TENM3: variants seen among roughly 807,000 people sequenced by gnomAD.
The protein encoded by TENM3 is teneurin transmembrane protein 3.
Under a neutral mutation model 255.1 loss-of-function variants are expected in TENM3, and 63 were observed. That is an observed-to-expected ratio of 0.25 (90% confidence interval 0.20 to 0.30). The LOEUF (loss-of-function observed/expected upper bound fraction) is 0.30. Among genes scored for constraint, TENM3 ranks in the 10% least tolerant of loss-of-function variants. TENM3 has a pLI of 1.00. For missense variants in TENM3, 2,929 were observed against 3,461.1 expected (o/e 0.85, Z 3.86); for synonymous variants, 1,306 against 1,322.3 (o/e 0.99, Z 0.27).
the TENM3 span, among the ~76,000 whole-genome samples, chr4:182,134,045 TA>T: frequency 0.095 from 14,414 of 152,108 alleles, 938 homozygotes; most frequent in South Asian, 0.15. Flanking sequence ...ACAGGGGGTC[TA>T]AAGGCAACAA....
chr4:181,507,884 G>A, the TENM3 span, among the ~76,000 whole-genome samples: 9 of 152,110 alleles, frequency 5.9e-5, no homozygotes, highest in Non-Finnish European at 1.3e-4. Context: ...TTGGTTACCC[G>A]TGACATCTTT....
At chr4:181,809,903 GC>G in the TENM3 span, among the ~76,000 whole-genome samples, 1 of 152,076 alleles carries the variant, frequency 6.6e-6, no homozygotes, top group Non-Finnish European at 1.5e-5. Context: ...TCTCCCCGGA[GC>G]CCCCAGAAGC....
chr4:182,561,641 A>G (rs1047640254), intron 3 of TENM3, among the ~76,000 whole-genome samples: 1 of 152,096 alleles, frequency 6.6e-6, no homozygotes, highest in African/African-American at 2.4e-5. Flanking sequence ...AGTACCTGCC[A>G]GAATTGTTTA....
chr4:182,299,805 A>T (rs988842079), intron 1 of TENM3, among the ~76,000 whole-genome samples: 21 of 152,048 alleles, frequency 1.4e-4, no homozygotes, highest in African/African-American at 4.6e-4. Context: ...AGGAAAATCC[A>T]GGCCCCAGTG....
At chr4:182,326,041 C>G (rs10015007) in intron 2 of TENM3, among the ~76,000 whole-genome samples, 16,500 of 152,162 alleles carry the variant, frequency 0.11, 971 homozygotes, top group African/African-American at 0.13. Context: ...AGTGTTATTC[C>G]TCACTCCTTC....
chr4:182,269,438 G>A (rs187094078), intron 1 of TENM3, among the ~76,000 whole-genome samples: 24 of 152,298 alleles, frequency 1.6e-4, no homozygotes, highest in Admixed American at 2.0e-4. Flanking sequence ...CTTGGTGCCC[G>A]GAAGTGACTC....
Position 182,751,979 on chromosome 4 carries a change from C to A in TENM3, c.3809C>A (p.Ala1270Glu). The stretch of plus-strand genomic sequence containing the variant: ...GAGCAATGCCTTCCGTTTGACGAGG[C>A]GAGATGTGGGGATGGAGGGAAGGCC... ...TGEQCLPFDE[A>E]RCGDGGKAVE... Residue 1270 changes from alanine to glutamate, a missense_variant, in exon 20 of 28, where the codon GCG becomes GAG. Ala to Glu is a moderately radical substitution (Grantham distance 107). Transcript: ENST00000511685. 1 of 1,611,650 alleles carries A rather than the reference C, an allele frequency of 6.2e-7. No individual in the cohort carries two copies. The highest frequency in any genetic ancestry group is 8.5e-7 in the Non-Finnish European group (1 of 1,179,610).
the TENM3 span, among the ~76,000 whole-genome samples, chr4:181,544,038 A>G: frequency 6.6e-6 from 1 of 152,192 alleles, no homozygotes; most frequent in Non-Finnish European, 1.5e-5. Context: ...ATGAAGAAAG[A>G]GAATAATCAA....
the TENM3 span, among the ~76,000 whole-genome samples, chr4:181,870,974 C>T: frequency 5.3e-5 from 8 of 151,902 alleles, no homozygotes; most frequent in Non-Finnish European, 8.8e-5. Context: ...GGTTGAAATG[C>T]ATTTATTTTT....
At chr4:182,228,610 G>T (rs1756355035) in intron 1 of TENM3, among the ~76,000 whole-genome samples, 1 of 151,948 alleles carries the variant, frequency 6.6e-6, no homozygotes, top group Admixed American at 6.6e-5. Context: ...GTCTTACATA[G>T]ATAAATTATC....
At chr4:182,557,579 G>A (rs186728330) in intron 3 of TENM3, among the ~76,000 whole-genome samples, 1 of 152,236 alleles carries the variant, frequency 6.6e-6, no homozygotes, top group East Asian at 1.9e-4. Flanking sequence ...TTTTATTGAT[G>A]AATTTGGCCC....
the TENM3 span, among the ~76,000 whole-genome samples, chr4:182,033,407 A>T: frequency 3.3e-5 from 5 of 152,172 alleles, no homozygotes; most frequent in South Asian, 1.0e-3. Context: ...GATCTGAGAC[A>T]CTGTTATGAT....
chr4:181,466,262 C>T, the TENM3 span, among the ~76,000 whole-genome samples: 3 of 151,968 alleles, frequency 2.0e-5, no homozygotes, highest in African/African-American at 7.3e-5. Context: ...GGATTACAGG[C>T]ATGCAACACC....
the TENM3 span, among the ~76,000 whole-genome samples, chr4:181,602,446 T>G: frequency 6.6e-5 from 10 of 152,220 alleles, no homozygotes; most frequent in Non-Finnish European, 1.2e-4. Flanking sequence ...CAAACCATCA[T>G]TTGTGATGAG....
chr4:182,070,969 T>G, the TENM3 span, among the ~76,000 whole-genome samples: 846 of 152,218 alleles, frequency 5.6e-3, 3 homozygotes, highest in Admixed American at 0.014. Flanking sequence ...TCCTTTTACC[T>G]CCATTCCAGC....
chr4:181,879,555 C>G, the TENM3 span, among the ~76,000 whole-genome samples: 1 of 152,192 alleles, frequency 6.6e-6, no homozygotes, highest in Admixed American at 6.5e-5. Context: ...CTCGTAATCT[C>G]TTCTCATGGG....
chr4:181,608,974 T>G, the TENM3 span, among the ~76,000 whole-genome samples: 1 of 152,278 alleles, frequency 6.6e-6, no homozygotes, highest in African/African-American at 2.4e-5. Context: ...CACAAGCAAC[T>G]CGGCAATTTT....
At chr4:182,521,846 T>A (rs1738610331) in intron 3 of TENM3, among the ~76,000 whole-genome samples, 1 of 152,186 alleles carries the variant, frequency 6.6e-6, no homozygotes, top group Non-Finnish European at 1.5e-5. Context: ...TCCTTGTTTT[T>A]CCCTGATTCG....
the TENM3 span, among the ~76,000 whole-genome samples, chr4:181,846,028 T>G: frequency 6.6e-6 from 1 of 152,220 alleles, no homozygotes; most frequent in Non-Finnish European, 1.5e-5. Flanking sequence ...TTCTGAACTC[T>G]CTCATGTGCA....
Sources: gnomAD v4.1 joint callset for allele counts (sites outside exome capture counted in the v4.1 genomes callset) on GRCh38, gnomAD v4.1.1 for gene constraint, MANE v1.5 for transcripts, NCBI Gene and HGNC (gene_info 2026-07-23, HGNC 2026-07-21) for gene names.